Variants in LZTS1 observed in about 807,000 individuals in gnomAD.
LZTS1 encodes the protein leucine zipper putative tumor suppressor 1.
Under a neutral mutation model 45.8 loss-of-function variants are expected in LZTS1, and 31 were observed. That is an observed-to-expected ratio of 0.68 (90% confidence interval 0.51 to 0.91). LZTS1 has a LOEUF of 0.91. LZTS1 is among the 40% of genes least tolerant of loss of function. LZTS1 has a pLI of 0.00. For synonymous variants in LZTS1, 359 were observed against 357.3 expected, an observed-to-expected ratio of 1.00 and a Z score of -0.05; for missense variants, 821 against 788.9, an observed-to-expected ratio of 1.04 and a Z score of -0.49.
At chr8:20,299,010 C>A (rs996160100) in intron 1 of LZTS1, among the ~76,000 whole-genome samples, 2 of 152,212 alleles carry the variant, frequency 1.3e-5, no homozygotes, top group Non-Finnish European at 2.9e-5. Context: ...TGACACATCC[C>A]CATCAACTTC....
intron 1 of LZTS1, among the ~76,000 whole-genome samples, chr8:20,295,530 C>T (rs144949975): frequency 3.9e-5 from 6 of 152,234 alleles, no homozygotes; most frequent in African/African-American, 7.2e-5. Context: ...CATTTGGGAC[C>T]GAGCCCTAGA....
intron 1 of LZTS1, among the ~76,000 whole-genome samples, chr8:20,286,504 C>G (rs1055649053): frequency 1.3e-5 from 2 of 152,150 alleles, no homozygotes; most frequent in Non-Finnish European, 2.9e-5. Flanking sequence ...CTGATAATAC[C>G]AAGTGCTGGT....
At chr8:20,277,503 G>A (rs1339254901) in intron 1 of LZTS1, among the ~76,000 whole-genome samples, 1 of 152,094 alleles carries the variant, frequency 6.6e-6, no homozygotes, top group Non-Finnish European at 1.5e-5. Context: ...ATTCTTTCTT[G>A]AGCAAGGTCC....
intron 1 of LZTS1, among the ~76,000 whole-genome samples, chr8:20,303,003 G>A (rs1801107459): frequency 2.0e-5 from 3 of 152,136 alleles, no homozygotes; most frequent in Admixed American, 1.3e-4. Flanking sequence ...CAAAGCCTGT[G>A]GCAGGGTGGA....
At chr8:20,258,739 A>AG (rs1397941226) in intron 1 of LZTS1, among the ~76,000 whole-genome samples, 2 of 152,340 alleles carry the variant, frequency 1.3e-5, no homozygotes, top group South Asian at 2.1e-4. Context: ...AATAAATGCT[A>AG]GGCAGTGTTA....
rs532916456 is a variant in LZTS1 at position 20,299,897 on chromosome 8, C to A, written c.-135+3843G>T. On this transcript the variant is annotated intron_variant, in intron 1 of 3. Coordinates refer to ENST00000381569, the MANE Select transcript of LZTS1 (RefSeq NM_021020.5). The stretch of plus-strand genomic sequence containing the variant: ...ATGTAAATCACCTCAAGATTCCCCA[C>A]GTAGTTGGATACTTCTTTGTTGGCA... Among the ~76,000 whole-genome samples the A allele has an allele frequency of 3.9e-5, 6 of 152,216 alleles. No individual in the cohort carries two copies. The East Asian group carries it at 1.2e-3, about 29-fold the overall frequency.
At chr8:20,273,059 T>G (rs1182306532) in intron 1 of LZTS1, among the ~76,000 whole-genome samples, 1 of 152,148 alleles carries the variant, frequency 6.6e-6, no homozygotes, top group East Asian at 1.9e-4. Context: ...GAGGCCCTGG[T>G]TTCTGTCCCC....
chr8:20,254,685 C>A, intron 2 of LZTS1, 152 bp downstream of exon 2: 1 of 639,276 alleles, frequency 1.6e-6, no homozygotes, highest in African/African-American at 1.8e-5. Flanking sequence ...TGCGGTGTGG[C>A]CACAGGCTTC....
rs777156782 is a variant in LZTS1 at position 20,250,162 on chromosome 8, C to T, written c.1351G>A (p.Glu451Lys). ...RTKGLELEVC[E>K]NELQRKKNEA... ...TTCTTCTTGCGCTGCAGCTCATTCT[C>T]ACAGACCTCCAGCTCCAGGCCCTTG... Residue 451 changes from glutamate to lysine, a missense_variant, in exon 4 of 4, where the codon GAG (glutamate) becomes AAG (lysine). Glu to Lys is a moderately conservative substitution (Grantham distance 56, BLOSUM62 1). Transcript: ENST00000381569. The T allele has an allele frequency of 1.2e-6, 2 of 1,609,978 alleles. No homozygotes were observed. The highest frequency in any genetic ancestry group is 4.5e-5 in the East Asian group (2 of 44,854).
At chr8:20,282,895 A>G (rs2128897631) in intron 1 of LZTS1, among the ~76,000 whole-genome samples, 1 of 152,340 alleles carries the variant, frequency 6.6e-6, no homozygotes, top group East Asian at 1.9e-4. Context: ...GATGTCTAGC[A>G]TATAGTAGTA....
intron 1 of LZTS1, among the ~76,000 whole-genome samples, chr8:20,267,281 A>C (rs1193343724): frequency 6.6e-6 from 1 of 151,916 alleles, no homozygotes; most frequent in African/African-American, 2.4e-5. Context: ...TGAGAGCCCA[A>C]GAGTGTAGAC....
At chr8:20,278,785 C>A (rs1800632162) in intron 1 of LZTS1, among the ~76,000 whole-genome samples, 1 of 152,188 alleles carries the variant, frequency 6.6e-6, no homozygotes, top group Non-Finnish European at 1.5e-5. Context: ...AGATCTTCCA[C>A]ATTGCAGCAA....
chr8:20,288,459 A>G (rs950133507), intron 1 of LZTS1, among the ~76,000 whole-genome samples: 1 of 152,156 alleles, frequency 6.6e-6, no homozygotes, highest in Non-Finnish European at 1.5e-5. Flanking sequence ...CATTCACTGC[A>G]TGTGTCCTGT....
At position 20,252,852 on chromosome 8, in the gene LZTS1, T is replaced by G; in HGVS notation, c.1079A>C (p.Glu360Ala). 6.3e-7 allele frequency: 1 copy of G among 1,589,520 alleles called. No individual in the cohort carries two copies. Among genetic ancestry groups the G allele is most frequent in the Non-Finnish European group, 8.6e-7 (1 of 1,168,366 alleles). The change falls in exon 3 of 4, where the codon GAG becomes GCG. Residue 360 changes from glutamate (E) to alanine (A), a missense_variant. Transcript: ENST00000381569. ...ESLMKEQDLLETKLRSYEREK... is the reference protein window; with the variant it reads ...ESLMKEQDLLATKLRSYEREK... ...CCTCTCGTAGGACCTGAGCTTGGTCTCCAGCAGGTCCTGCTCCTTCATGAG... is the reference window on the plus strand; with the variant it reads ...CCTCTCGTAGGACCTGAGCTTGGTCGCCAGCAGGTCCTGCTCCTTCATGAG...
intron 2 of LZTS1, 21 bp from the exon 3 acceptor site, chr8:20,253,606 G>C (rs1027253816): frequency 2.1e-5 from 30 of 1,431,374 alleles, no homozygotes; most frequent in Non-Finnish European, 2.7e-5. Context: ...AAAGGACCGC[G>C]GTGACTCATG....
chr8:20,302,205 A>G (rs893823953), intron 1 of LZTS1, among the ~76,000 whole-genome samples: 1 of 152,144 alleles, frequency 6.6e-6, no homozygotes, highest in African/African-American at 2.4e-5. Context: ...GAGATAACGT[A>G]TGAGATAACG....
At chr8:20,265,389 G>C (rs1342284604) in intron 1 of LZTS1, among the ~76,000 whole-genome samples, 1 of 152,090 alleles carries the variant, frequency 6.6e-6, no homozygotes, top group East Asian at 1.9e-4. Flanking sequence ...ATCTCAGCTA[G>C]GCATGGTGGC....
At position 20,254,871 on chromosome 8, in the gene LZTS1, G is replaced by C; in HGVS notation, c.311C>G (p.Pro104Arg). 3 of 1,613,506 alleles carry C rather than the reference G, an allele frequency of 1.9e-6. No homozygotes were observed. Among genetic ancestry groups the C allele is most frequent in the South Asian group, 1.1e-5 (1 of 91,048 alleles). Residue 104 changes from proline to arginine, a missense_variant, in exon 2 of 4, where the codon CCC becomes CGC. Physicochemically the swap from Pro to Arg is moderately radical, Grantham distance 103. Transcript: ENST00000381569. ...AGVDFDPSTP[P>R]KLMPFSNQLE... The stretch of plus-strand genomic sequence containing the variant: ...CTGATTGGAGAAGGGCATGAGCTTG[G>C]GGGGTGTGGACGGGTCAAAGTCCAC...
chr8:20,270,702 C>T (rs1177525784), intron 1 of LZTS1, among the ~76,000 whole-genome samples: 1 of 152,036 alleles, frequency 6.6e-6, no homozygotes, highest in East Asian at 1.9e-4. Context: ...GTGGGGGAAA[C>T]ACAGTACAAG....
Sources: allele counts gnomAD v4.1 joint callset (sites outside exome capture counted in the v4.1 genomes callset), GRCh38; gene constraint gnomAD v4.1.1; transcripts MANE v1.5; gene names NCBI Gene and HGNC (gene_info 2026-07-23, HGNC 2026-07-21).